Variants in SND1 observed in about 807,000 individuals in gnomAD.
SND1 encodes staphylococcal nuclease domain-containing protein 1.
In SND1, 38 loss-of-function variants were observed where a neutral mutation model predicts 121.7. The ratio of observed to expected loss-of-function variants is 0.31; its 90% CI spans 0.24 to 0.41. The LOEUF is 0.41. SND1 is among the 10% of genes least tolerant of loss of function. The pLI is 1.00. For synonymous variants in SND1, 401 were observed against 447.4 expected, an observed-to-expected ratio of 0.90 and a Z score of 1.31; for missense variants, 868 against 1,184.6, an observed-to-expected ratio of 0.73 and a Z score of 3.92.
intron 13 of SND1, among the ~76,000 whole-genome samples, chr7:127,891,217 T>C (rs892588053): frequency 6.6e-6 from 1 of 152,054 alleles, no homozygotes; most frequent in African/African-American, 2.4e-5. Flanking sequence ...CCCATCCTCA[T>C]GGTTTGGTGT....
At chr7:127,886,449 C>T (rs1033293691) in intron 12 of SND1, among the ~76,000 whole-genome samples, 4 of 152,000 alleles carry the variant, frequency 2.6e-5, no homozygotes, top group Admixed American at 1.3e-4. Flanking sequence ...AGGAGTTAAC[C>T]ACATTTTCAA....
intron 12 of SND1, among the ~76,000 whole-genome samples, chr7:127,869,417 G>A (rs1253370157): frequency 2.0e-5 from 3 of 152,150 alleles, no homozygotes; most frequent in Admixed American, 2.0e-4. Context: ...GAGGGATGGT[G>A]ACAAGTTTTG....
chr7:128,004,579 A>G (rs1802915421), intron 16 of SND1, among the ~76,000 whole-genome samples: 1 of 152,212 alleles, frequency 6.6e-6, no homozygotes, highest in Admixed American at 6.5e-5. Flanking sequence ...TGAGTAGAGT[A>G]CTGACTTTGG....
intron 15 of SND1, among the ~76,000 whole-genome samples, chr7:127,950,365 G>A (rs141888903): frequency 3.1e-4 from 47 of 152,266 alleles, no homozygotes; most frequent in South Asian, 6.2e-4. Context: ...CTCAGTTTCC[G>A]CATTAAAGAA....
chr7:127,885,875 C>T (rs775631137), intron 12 of SND1, among the ~76,000 whole-genome samples: 4 of 152,116 alleles, frequency 2.6e-5, no homozygotes, highest in Non-Finnish European at 4.4e-5. Flanking sequence ...GCCAGGACAT[C>T]TCAAACTATC....
chr7:127,835,468 C>T (rs1408677524), intron 11 of SND1, among the ~76,000 whole-genome samples: 1 of 152,090 alleles, frequency 6.6e-6, no homozygotes, highest in Non-Finnish European at 1.5e-5. Context: ...CAACTTTCAT[C>T]CTTTAGAGGA....
chr7:127,833,806 C>T (rs1798811324), intron 11 of SND1, among the ~76,000 whole-genome samples: 1 of 152,162 alleles, frequency 6.6e-6, no homozygotes, highest in Admixed American at 6.5e-5. Context: ...CATCACTGTC[C>T]ATCCCCAGAA....
At chr7:127,666,323 A>C (rs1015949149) in intron 1 of SND1, among the ~76,000 whole-genome samples, 1 of 152,210 alleles carries the variant, frequency 6.6e-6, no homozygotes, top group African/African-American at 2.4e-5. Flanking sequence ...TGGTGCTCTT[A>C]ATGAAAGTTC....
At position 127,767,061 on chromosome 7, in the gene SND1, G is replaced by T. The variant is rs185797682; in HGVS notation, c.1153-40423G>T. Among the ~76,000 whole-genome samples the T allele has an allele frequency of 4.7e-3, 719 of 152,126 alleles. 3 individuals carry two copies. The highest frequency in any genetic ancestry group is 8.8e-3 in the Non-Finnish European group (597 of 67,980). On this transcript the variant is annotated intron_variant, in intron 10 of 23. Transcript: ENST00000354725. ...TGTGTGTTAGATGGGAAGAGAGAGA[G>T]ATATATCTAGGGTACAAAGTGGCTA... is the stretch of plus-strand genomic sequence containing the variant.
intron 16 of SND1, among the ~76,000 whole-genome samples, chr7:128,059,047 G>A (rs1793189210): frequency 6.6e-6 from 1 of 152,132 alleles, no homozygotes; most frequent in Non-Finnish European, 1.5e-5. Context: ...CCTCAGCATG[G>A]CTTTCTGTCC....
At chr7:127,787,167 T>C (rs1311817671) in intron 10 of SND1, among the ~76,000 whole-genome samples, 1 of 152,238 alleles carries the variant, frequency 6.6e-6, no homozygotes, top group Non-Finnish European at 1.5e-5. Context: ...TGTCATCTGC[T>C]CATTGGCACA....
In SND1 at chr7:127,748,780, T is replaced by C. The variant is rs895477618; in HGVS notation, c.1152+27380T>C. Among the ~76,000 whole-genome samples, 35 of 152,038 alleles carry C rather than the reference T, an allele frequency of 2.3e-4. 1 individual carries two copies. The highest frequency in any genetic ancestry group is 1.5e-4 in the Non-Finnish European group (10 of 68,006). The stretch of plus-strand genomic sequence containing the variant: ...GAACAGGGTGGTTTAGTAGAAGAAA[T>C]GACATTCAAGCAGGTCTTGAAGGGT... On this transcript the variant is annotated intron_variant, in intron 10 of 23. Coordinates refer to ENST00000354725, the MANE Select transcript of SND1 (RefSeq NM_014390.4).
At chr7:127,918,055 C>CTTTTTT (rs11375840) in intron 14 of SND1, among the ~76,000 whole-genome samples, 4 of 142,394 alleles carry the variant, frequency 2.8e-5, no homozygotes, top group Admixed American at 7.0e-5. Flanking sequence ...TAGATTTTTT[C>CTTTTTT]TTTTTTTTTT....
chr7:128,050,888 G>A (rs1190692988), intron 16 of SND1, among the ~76,000 whole-genome samples: 1 of 152,244 alleles, frequency 6.6e-6, no homozygotes. Context: ...CCTGAGCTGA[G>A]AAAGAGCATC....
chr7:128,053,575 G>A (rs752832888), intron 16 of SND1, among the ~76,000 whole-genome samples: 2 of 152,094 alleles, frequency 1.3e-5, no homozygotes, highest in Non-Finnish European at 2.9e-5. Flanking sequence ...GAGATACCTG[G>A]GCAATGGGGG....
chr7:128,007,674 T>C (rs1335980798), intron 16 of SND1, among the ~76,000 whole-genome samples: 1 of 152,252 alleles, frequency 6.6e-6, no homozygotes, highest in African/African-American at 2.4e-5. Context: ...AGACGTTTCT[T>C]TGTCAAACAA....
chr7:127,735,336 C>T (rs1004172618), intron 10 of SND1, among the ~76,000 whole-genome samples: 8 of 152,288 alleles, frequency 5.3e-5, no homozygotes, highest in African/African-American at 7.2e-5. Flanking sequence ...GTTACTGTAA[C>T]ACGTGCTTTC....
Position 127,715,364 on chromosome 7 carries a change from T to C in SND1, c.1039-5923T>C, listed in dbSNP as rs150227292. Among the ~76,000 whole-genome samples the C allele has an allele frequency of 2.0e-3, 305 of 152,302 alleles. 1 individual carries two copies. The highest frequency in any genetic ancestry group is 7.1e-3 in the African/African-American group (295 of 41,556). On this transcript the variant is annotated intron_variant, in intron 9 of 23. Coordinates refer to ENST00000354725, the MANE Select transcript of SND1 (RefSeq NM_014390.4). ...CTTTTCTTTTAGATTCGGGGATACA[T>C]ATGCAGGTTTGTTACATGGGTATAT...
chr7:127,788,514 T>C (rs541212397), intron 10 of SND1, among the ~76,000 whole-genome samples: 74 of 152,360 alleles, frequency 4.9e-4, no homozygotes, highest in Admixed American at 3.5e-3. Context: ...AAATCCATGT[T>C]CTCTCTTGAC....
Sources: gnomAD v4.1 joint callset for allele counts (sites outside exome capture counted in the v4.1 genomes callset) on GRCh38, gnomAD v4.1.1 for gene constraint, MANE v1.5 for transcripts, NCBI Gene and HGNC (gene_info 2026-07-23, HGNC 2026-07-21) for gene names.